The following TMEM271 variants were observed in gnomAD, a reference collection of about 807,000 sequenced individuals.
TMEM271 encodes the protein transmembrane protein 271.
rs566187570 is a variant in TMEM271, at chr4:574,534, C to T, written c.*371G>A. The T allele has an allele frequency of 1.1e-5, 2 of 184,358 alleles. No homozygotes were observed. The highest frequency in any genetic ancestry group is 2.7e-4 in the East Asian group (2 of 7,434). 11.4% of individuals were successfully genotyped at this position (184,358 alleles called of 1,614,324 possible). The stretch of plus-strand genomic sequence containing the variant: ...CGCCGTCCTGGGGCGCTCGCTCTGT[C>T]CCCCTCGCCTCGGACCACCAGGCAG... On this transcript the variant is annotated 3_prime_UTR_variant, in exon 1 of 1. Coordinates refer to ENST00000610212, the MANE Select transcript of TMEM271 (RefSeq NM_001362796.2).
Position 574,696 on chromosome 4 carries a change from G to A in TMEM271, c.*209C>T, listed in dbSNP as rs1360819277. On this transcript the variant is annotated 3_prime_UTR_variant, in exon 1 of 1. Transcript: ENST00000610212. ...GAGAAACCTCCCAGATACAGAAATG[G>A]TCACATCAGGGGCCCCCTCCTGTGG... is the stretch of plus-strand genomic sequence containing the variant. 2.6e-6 allele frequency: 1 copy of A among 389,558 alleles called. No homozygotes were observed. Among genetic ancestry groups the A allele is most frequent in the East Asian group, 3.7e-5 (1 of 27,370 alleles). The allele number at this position is 389,558 out of a possible 1,614,324, so 24.1% of individuals were successfully genotyped here.
Position 575,520 on chromosome 4 carries a change from CGAGCCCGGGGCCGAGCCGGGGGTT to C in TMEM271, c.519_542del (p.Thr174_Ser181del), listed in dbSNP as rs1455245861. ...CCGAGCCCGGCGCCGAGCCGGGGGC[CGAGCCCGGGGCCGAGCCGGGGGTT>C]GAGCCCGGGGCCGAGCCGGGGCTCG... On this transcript the variant is annotated inframe_deletion, in exon 1 of 1. Coordinates refer to ENST00000610212, the MANE Select transcript of TMEM271 (RefSeq NM_001362796.2). The C allele has an allele frequency of 2.9e-3, 873 of 304,580 alleles. No individual in the cohort carries two copies. The highest frequency in any genetic ancestry group is 3.7e-3 in the Non-Finnish European group (624 of 168,710). The allele number at this position is 304,580 out of a possible 1,614,324, so 18.9% of individuals were successfully genotyped here.
chr4:575,241 C>A lies in TMEM271; in HGVS notation c.822G>T (p.Pro274=), dbSNP rs550206332. 3 of 164,222 alleles carry A rather than the reference C, an allele frequency of 1.8e-5. No homozygotes were observed. The South Asian group carries it at 5.3e-4, about 29-fold the overall frequency. The allele number at this position is 164,222 out of a possible 1,614,324, so 10.2% of individuals were successfully genotyped here. A position where few individuals can be genotyped will look rare whatever the true frequency, so the allele number is the denominator to read the frequency against. Residue 274 remains proline (P), a synonymous_variant, in exon 1 of 1, where the codon CCG becomes CCT. Transcript: ENST00000610212. ...PRGGSGLRAQ[P]PASRARRGRR... ...GGCCCCGGCGCGCCCGAGAGGCGGG[C>A]GGCTGCGCGCGGAGCCCGGAGCCGC...
chr4:574,739 G>C lies in TMEM271; in HGVS notation c.*166C>G. 1 of 391,716 alleles carries C rather than the reference G, an allele frequency of 2.6e-6. No homozygotes were observed. The highest frequency in any genetic ancestry group is 2.1e-5 in the African/African-American group (1 of 48,460). The allele number at this position is 391,716 out of a possible 1,614,324, so 24.3% of individuals were successfully genotyped here. A position where few individuals can be genotyped will look rare whatever the true frequency, so the allele number is the denominator to read the frequency against. Reference sequence around the variant, plus strand: ...TCCTGTGGTCACGGAGCCCGCAGAGGGGGCCAGGCCGGAGGCTGCAAAGCC... The same window carrying C: ...TCCTGTGGTCACGGAGCCCGCAGAGCGGGCCAGGCCGGAGGCTGCAAAGCC... On this transcript the variant is annotated 3_prime_UTR_variant, in exon 1 of 1. Transcript: ENST00000610212.
chr4:574,703 C>T lies in TMEM271; in HGVS notation c.*202G>A, dbSNP rs750258624. The T allele has an allele frequency of 3.3e-5, 13 of 390,268 alleles. No homozygotes were observed. The highest frequency in any genetic ancestry group is 8.3e-5 in the African/African-American group (4 of 48,284). 24.2% of individuals were successfully genotyped at this position (390,268 alleles called of 1,614,324 possible). On this transcript the variant is annotated 3_prime_UTR_variant, in exon 1 of 1. Coordinates refer to ENST00000610212, the MANE Select transcript of TMEM271 (RefSeq NM_001362796.2). ...CTCCCAGATACAGAAATGGTCACAT[C>T]AGGGGCCCCCTCCTGTGGTCACGGA... is the stretch of plus-strand genomic sequence containing the variant.
Position 575,514 on chromosome 4 carries a change from G to A in TMEM271, c.549C>T (p.Pro183=). 1 of 306,240 alleles carries A rather than the reference G, an allele frequency of 3.3e-6. No homozygotes were observed. The highest frequency in any genetic ancestry group is 6.0e-6 in the Non-Finnish European group (1 of 166,850). 19.0% of individuals were successfully genotyped at this position (306,240 alleles called of 1,614,324 possible). Residue 183 remains proline (P), a synonymous_variant, in exon 1 of 1, where the codon CCC becomes CCT. Coordinates refer to ENST00000610212, the MANE Select transcript of TMEM271 (RefSeq NM_001362796.2). ...CGGGGGCCGAGCCCGGCGCCGAGCC[G>A]GGGGCCGAGCCCGGGGCCGAGCCGG... ...STPGSAPGSA[P]GSAPGSAPGA...
rs1183154975 is a variant in TMEM271 at position 574,161 on chromosome 4, C to T, written c.*744G>A. 6.6e-6 allele frequency: 1 copy of T among 151,930 alleles called. No individual in the cohort carries two copies. The allele number at this position is 151,930 out of a possible 1,614,324, so 9.4% of individuals were successfully genotyped here. A position where few individuals can be genotyped will look rare whatever the true frequency, so the allele number is the denominator to read the frequency against. ...ACAGAAAGTTAGCTTTAGAAAGAGG[C>T]TGGATTCAGTCAACTAGCTAGCAGA... On this transcript the variant is annotated 3_prime_UTR_variant, in exon 1 of 1. Coordinates refer to ENST00000610212, the MANE Select transcript of TMEM271 (RefSeq NM_001362796.2).
rs1209916855 is a variant in TMEM271 at position 575,643 on chromosome 4, C to G, written c.420G>C (p.Val140=). 1 of 362,504 alleles carries G rather than the reference C, an allele frequency of 2.8e-6. No individual in the cohort carries two copies. The highest frequency in any genetic ancestry group is 4.7e-5 in the Admixed American group (1 of 21,424). The allele number at this position is 362,504 out of a possible 1,614,324, so 22.5% of individuals were successfully genotyped here. The part of the protein sequence containing the change: ...LGVLSAFAGA[V]IDGDTVSLVE... ...CCAGGGACACGGTGTCGCCGTCGAT[C>G]ACGGCGCCCGCGAATGCGCTGAGGA... The change falls in exon 1 of 1, where the codon GTG becomes GTC. Residue 140 remains valine (V), a synonymous_variant. Coordinates refer to ENST00000610212, the MANE Select transcript of TMEM271 (RefSeq NM_001362796.2).
Position 575,084 on chromosome 4 carries a change from T to C in TMEM271, c.979A>G (p.Asn327Asp). ...FAAHHAVSYI[N>D]VGVLHALDEA... ...TCCAGCGCGTGGAGGACGCCTACGT[T>C]GATGTAGGAGACCGCGTGGTGCGCC... Residue 327 changes from asparagine to aspartate, a missense_variant, in exon 1 of 1, where the codon AAC becomes GAC. Asn to Asp is a conservative substitution (Grantham distance 23). Transcript: ENST00000610212. 5.0e-6 allele frequency: 2 copies of C among 396,450 alleles called. No individual in the cohort carries two copies. Among genetic ancestry groups the C allele is most frequent in the South Asian group, 1.3e-4 (1 of 7,840 alleles). The allele number at this position is 396,450 out of a possible 1,614,324, so 24.6% of individuals were successfully genotyped here. A position where few individuals can be genotyped will look rare whatever the true frequency, so the allele number is the denominator to read the frequency against.
In TMEM271 at chr4:574,086, A is replaced by T. The variant is rs1732388436; in HGVS notation, c.*819T>A. 1 of 150,820 alleles carries T rather than the reference A, an allele frequency of 6.6e-6. No homozygotes were observed. Among genetic ancestry groups the T allele is most frequent in the African/African-American group, 2.4e-5 (1 of 40,850 alleles). The allele number at this position is 150,820 out of a possible 1,614,324, so 9.3% of individuals were successfully genotyped here. On this transcript the variant is annotated 3_prime_UTR_variant, in exon 1 of 1. Transcript: ENST00000610212. ...ACAACCAGTTTCCAAAAAAAAAAAA[A>T]GAAAAGAAAAAAGAAATGTATGGGA...
rs1415021068 is a variant in TMEM271, at chr4:576,167, C to A, written c.-105G>T. ...CGCCGCGCGGCCGGACCGCCGGCCT[C>A]CTCCTCATCCTCCCGCGTCCTCCCG... On this transcript the variant is annotated 5_prime_UTR_variant, in exon 1 of 1. Transcript: ENST00000610212. 8 of 145,180 alleles carry A rather than the reference C, an allele frequency of 5.5e-5. No individual in the cohort carries two copies. Among genetic ancestry groups the A allele is most frequent in the African/African-American group, 2.0e-4 (8 of 40,266 alleles). The allele number at this position is 145,180 out of a possible 1,614,324, so 9.0% of individuals were successfully genotyped here.
rs1452345944 is a variant in TMEM271, at chr4:576,064, C to G, written c.-2G>C. 3.2e-6 allele frequency: 1 copy of G among 309,300 alleles called. No homozygotes were observed. The highest frequency in any genetic ancestry group is 5.9e-6 in the Non-Finnish European group (1 of 169,198). The allele number at this position is 309,300 out of a possible 1,614,324, so 19.2% of individuals were successfully genotyped here. A position where few individuals can be genotyped will look rare whatever the true frequency, so the allele number is the denominator to read the frequency against. ...GGCCCCGCGGACGCTCCACTTCATC[C>G]TCCGCGCCCGAGCCGGCCCGCACCC... On this transcript the variant is annotated 5_prime_UTR_variant, in exon 1 of 1. Transcript: ENST00000610212.
Position 574,141 on chromosome 4 carries a change from A to G in TMEM271, c.*764T>C, listed in dbSNP as rs1372775192. On this transcript the variant is annotated 3_prime_UTR_variant, in exon 1 of 1. Transcript: ENST00000610212. Reference sequence around the variant, plus strand: ...GCATCAGGGTCTCTACACACACAGAAAGTTAGCTTTAGAAAGAGGCTGGAT... The same window carrying G: ...GCATCAGGGTCTCTACACACACAGAGAGTTAGCTTTAGAAAGAGGCTGGAT... 2.0e-5 allele frequency: 3 copies of G among 152,192 alleles called. No homozygotes were observed. The highest frequency in any genetic ancestry group is 4.8e-5 in the African/African-American group (2 of 41,448). 9.4% of individuals were successfully genotyped at this position (152,192 alleles called of 1,614,324 possible). A position where few individuals can be genotyped will look rare whatever the true frequency, so the allele number is the denominator to read the frequency against.
rs1732406277 is a variant in TMEM271 at position 575,064 on chromosome 4, C to A, written c.999G>T (p.Ala333=). The change falls in exon 1 of 1, where the codon GCG becomes GCT. Residue 333 remains alanine (A), a synonymous_variant. Coordinates refer to ENST00000610212, the MANE Select transcript of TMEM271 (RefSeq NM_001362796.2). ...VSYINVGVLH[A]LDEAGAEVRC... ...GCACCTCCGCGCCCGCCTCGTCCAG[C>A]GCGTGGAGGACGCCTACGTTGATGT... is the stretch of plus-strand genomic sequence containing the variant. 1.0e-5 allele frequency: 4 copies of A among 397,102 alleles called. No homozygotes were observed. In the Admixed American group the frequency reaches 1.8e-4, roughly 18 times the overall value. The allele number at this position is 397,102 out of a possible 1,614,324, so 24.6% of individuals were successfully genotyped here. A position where few individuals can be genotyped will look rare whatever the true frequency, so the allele number is the denominator to read the frequency against.
In TMEM271 at chr4:575,050, C is replaced by A. The variant is rs947308980; in HGVS notation, c.1013G>T (p.Gly338Val). 2.5e-6 allele frequency: 1 copy of A among 397,156 alleles called. No individual in the cohort carries two copies. Among genetic ancestry groups the A allele is most frequent in the Non-Finnish European group, 4.4e-6 (1 of 225,084 alleles). 24.6% of individuals were successfully genotyped at this position (397,156 alleles called of 1,614,324 possible). A position where few individuals can be genotyped will look rare whatever the true frequency, so the allele number is the denominator to read the frequency against. Residue 338 changes from glycine (G) to valine (V), a missense_variant, in exon 1 of 1, where the codon GGC becomes GTC. Physicochemically the swap from Gly to Val is moderately radical, Grantham distance 109 (BLOSUM62 -3). Coordinates refer to ENST00000610212, the MANE Select transcript of TMEM271 (RefSeq NM_001362796.2). ...VGVLHALDEA[G>V]AEVRCGGHPS... Reference sequence around the variant, plus strand: ...GTGCCCCCCGCAGCGCACCTCCGCGCCCGCCTCGTCCAGCGCGTGGAGGAC... The same window carrying A: ...GTGCCCCCCGCAGCGCACCTCCGCGACCGCCTCGTCCAGCGCGTGGAGGAC...
In TMEM271 at chr4:575,486, C is replaced by CGCCGGGGGCCGAGCCCGGCGCCGA. The variant is rs1226925554; in HGVS notation, c.553_576dup (p.Ser185_Gly192dup). The CGCCGGGGGCCGAGCCCGGCGCCGA allele has an allele frequency of 1.3e-4, 34 of 267,418 alleles. No homozygotes were observed. The highest frequency in any genetic ancestry group is 3.7e-4 in the East Asian group (6 of 16,026). The allele number at this position is 267,418 out of a possible 1,614,324, so 16.6% of individuals were successfully genotyped here. A position where few individuals can be genotyped will look rare whatever the true frequency, so the allele number is the denominator to read the frequency against. On this transcript the variant is annotated inframe_insertion, in exon 1 of 1. Coordinates refer to ENST00000610212, the MANE Select transcript of TMEM271 (RefSeq NM_001362796.2). ...TCCAGGGTGCTGCGAGCGCGCGGGG[C>CGCCGGGGGCCGAGCCCGGCGCCGA]GCCGGGGGCCGAGCCCGGCGCCGAG...
chr4:574,801 G>T lies in TMEM271; in HGVS notation c.*104C>A. 2.5e-6 allele frequency: 1 copy of T among 392,740 alleles called. No individual in the cohort carries two copies. The highest frequency in any genetic ancestry group is 1.4e-4 in the South Asian group (1 of 7,154). 24.3% of individuals were successfully genotyped at this position (392,740 alleles called of 1,614,324 possible). A position where few individuals can be genotyped will look rare whatever the true frequency, so the allele number is the denominator to read the frequency against. On this transcript the variant is annotated 3_prime_UTR_variant, in exon 1 of 1. Coordinates refer to ENST00000610212, the MANE Select transcript of TMEM271 (RefSeq NM_001362796.2). ...GCGGCGCCCCTGAGGCCTGGCCCTG[G>T]ACCCCGCCCCGCTGCCCGTCCTCCC...
In TMEM271 at chr4:575,466, G is replaced by A. The variant is rs1732414837; in HGVS notation, c.597C>T (p.Thr199=). The A allele has an allele frequency of 1.1e-5, 3 of 270,396 alleles. No individual in the cohort carries two copies. The highest frequency in any genetic ancestry group is 6.9e-6 in the Non-Finnish European group (1 of 143,904). The allele number at this position is 270,396 out of a possible 1,614,324, so 16.7% of individuals were successfully genotyped here. Reference sequence around the variant, plus strand: ...ACTTGGCGGACGTGGCGCTGTCCAGGGTGCTGCGAGCGCGCGGGGCGCCGG... The same window carrying A: ...ACTTGGCGGACGTGGCGCTGTCCAGAGTGCTGCGAGCGCGCGGGGCGCCGG... The part of the protein sequence containing the change: ...SAPGAPRARS[T]LDSATSAKCR... The change falls in exon 1 of 1, where the codon ACC becomes ACT. Residue 199 remains threonine (T), a synonymous_variant. Coordinates refer to ENST00000610212, the MANE Select transcript of TMEM271 (RefSeq NM_001362796.2).
At position 575,066 on chromosome 4, in the gene TMEM271, C is replaced by G. The variant is rs1199694588; in HGVS notation, c.997G>C (p.Ala333Pro). 1 of 396,944 alleles carries G rather than the reference C, an allele frequency of 2.5e-6. No individual in the cohort carries two copies. The highest frequency in any genetic ancestry group is 4.4e-6 in the Non-Finnish European group (1 of 225,046). The allele number at this position is 396,944 out of a possible 1,614,324, so 24.6% of individuals were successfully genotyped here. The stretch of plus-strand genomic sequence containing the variant: ...ACCTCCGCGCCCGCCTCGTCCAGCG[C>G]GTGGAGGACGCCTACGTTGATGTAG... ...VSYINVGVLH[A>P]LDEAGAEVRC... is the part of the protein sequence containing the mutation. The change falls in exon 1 of 1, where the codon GCG (alanine) becomes CCG (proline). Residue 333 changes from alanine to proline, a missense_variant. Ala to Pro is a conservative substitution (Grantham distance 27). Transcript: ENST00000610212.
Sources: gnomAD v4.1 joint callset for allele counts on GRCh38, gnomAD v4.1.1 for gene constraint, MANE v1.5 for transcripts, NCBI Gene and HGNC (gene_info 2026-07-23, HGNC 2026-07-21) for gene names.